Variants in TRPT1 observed in about 807,000 individuals in gnomAD.
TRPT1 encodes tRNA phosphotransferase 1, also known as tRNA 2'-phosphotransferase 1.
A neutral mutation model predicts 28.4 loss-of-function variants in TRPT1; 22 were observed. That is an observed-to-expected ratio of 0.78 (90% CI 0.55 to 1.11). TRPT1 has a LOEUF of 1.11. TRPT1 is among the 50% of genes least tolerant of loss of function. TRPT1 has a pLI of 0.00. For missense variants in TRPT1, 308 were observed against 317.7 expected, an observed-to-expected ratio of 0.97 and a Z score of 0.23; for synonymous variants, 137 against 132.4, an observed-to-expected ratio of 1.03 and a Z score of -0.24.
In TRPT1 at chr11:64,224,946, A is replaced by G. The variant is rs1946888298; in HGVS notation, c.182T>C (p.Leu61Pro). The G allele has an allele frequency of 6.4e-7, 1 of 1,566,656 alleles. No homozygotes were observed. The highest frequency in any genetic ancestry group is 8.7e-7 in the Non-Finnish European group (1 of 1,155,956). Residue 61 changes from leucine (L) to proline (P), a missense_variant, in exon 4 of 8, where the codon CTC (leucine) becomes CCC (proline). Coordinates refer to ENST00000317459, the MANE Select transcript of TRPT1 (RefSeq NM_001033678.4). ...GCCGCGGAACTGGGGCAACTGCAGG[A>G]GGGTGCCCAGGGGCACGAAGCCATC... Reference protein sequence around the residue: ...GADGFVPLGTLLQLPQFRGFS... With the variant: ...GADGFVPLGTPLQLPQFRGFS...
At chr11:64,224,011 A>C in intron 7 of TRPT1, 44 bp from the exon 8 acceptor site, 1 of 1,594,066 alleles carries the variant, frequency 6.3e-7, no homozygotes, top group Non-Finnish European at 8.6e-7. Flanking sequence ...CACCTAAGTC[A>C]GTCTAGGGTT....
rs1266678447 is a variant in TRPT1, at chr11:64,224,332, G to A, written c.512C>T (p.Ser171Phe). Residue 171 changes from serine to phenylalanine, a missense_variant, in exon 6 of 8, where the codon TCC becomes TTC. Transcript: ENST00000317459. ...GDPGIISGMR[S>F]HCEIAVFIDG... is the part of the protein sequence containing the mutation. Reference sequence around the variant, plus strand: ...GATGAACACAGCTATTTCACAATGGGACCGCATGCCTGCAGAGACAGCTGG... The same window carrying A: ...GATGAACACAGCTATTTCACAATGGAACCGCATGCCTGCAGAGACAGCTGG... 4 of 1,613,614 alleles carry A rather than the reference G, an allele frequency of 2.5e-6. No homozygotes were observed. The African/African-American group carries it at 5.3e-5, about 22-fold the overall frequency.
At chr11:64,226,241 A>G, upstream of TRPT1, 1 of 430,570 alleles carries the variant, frequency 2.3e-6, no homozygotes, top group Non-Finnish European at 3.7e-6. Flanking sequence ...CCGCGTGGAA[A>G]GGGGGCGGGC....
In TRPT1 at chr11:64,224,890, C is replaced by G; in HGVS notation, c.238G>C (p.Asp80His). The change falls in exon 4 of 8, where the codon GAC (aspartate) becomes CAC (histidine). Residue 80 changes from aspartate to histidine, a missense_variant. Coordinates refer to ENST00000317459, the MANE Select transcript of TRPT1 (RefSeq NM_001033678.4). ...FSAEDVQRVV[D>H]TNRKQRFALQ... is the part of the protein sequence containing the mutation. ...GCGAACCGCTGCTTCCTATTGGTGT[C>G]CACCACGCGCTGCACATCTTCAGCA... 1 of 1,608,686 alleles carries G rather than the reference C, an allele frequency of 6.2e-7. No homozygotes were observed. The highest frequency in any genetic ancestry group is 8.5e-7 in the Non-Finnish European group (1 of 1,178,004).
intron 3 of TRPT1, chr11:64,225,201 G>T (rs954707487): frequency 1.6e-6 from 1 of 615,532 alleles, no homozygotes; most frequent in Admixed American, 3.0e-5. Context: ...GCGCTGGCCC[G>T]GAGTGCACAC....
chr11:64,224,208 C>T lies in TRPT1; in HGVS notation c.562G>A (p.Gly188Arg), dbSNP rs1428818363. The T allele has an allele frequency of 1.2e-6, 2 of 1,612,058 alleles. No homozygotes were observed. Among genetic ancestry groups the T allele is most frequent in the Non-Finnish European group, 1.7e-6 (2 of 1,178,686 alleles). The change falls in exon 7 of 8, where the codon GGA becomes AGA. Residue 188 changes from glycine to arginine, a missense_variant and splice_region_variant. By Grantham distance (125) the Gly-to-Arg change is moderately radical. Coordinates refer to ENST00000317459, the MANE Select transcript of TRPT1 (RefSeq NM_001033678.4). ...TTGGCAGAGCGGAAGAAGGGTATTC[C>T]ATCTGCTGACAGAGCCAGAGATGTG... Reference protein sequence around the residue: ...FIDGPLALADGIPFFRSANGV... With the variant: ...FIDGPLALADRIPFFRSANGV...
At chr11:64,224,074 A>G in intron 7 of TRPT1, 26 bp downstream of exon 7, 6 of 1,600,046 alleles carry the variant, frequency 3.7e-6, no homozygotes, top group Non-Finnish European at 5.1e-6. Flanking sequence ...GGAACAAGGA[A>G]TAGGGGCTGG....
intron 5 of TRPT1, 25 bp from the exon 6 acceptor site, chr11:64,224,366 C>T: frequency 1.2e-6 from 2 of 1,613,168 alleles, no homozygotes; most frequent in African/African-American, 1.3e-5. Context: ...GGAGCTGAGG[C>T]CTGGGCACCT....
Position 64,224,186 on chromosome 11 carries a change from G to C in TRPT1, c.584C>G (p.Ala195Gly). The C allele has an allele frequency of 6.2e-7, 1 of 1,609,444 alleles. No individual in the cohort carries two copies. The highest frequency in any genetic ancestry group is 8.5e-7 in the Non-Finnish European group (1 of 1,176,806). Reference protein sequence around the residue: ...LADGIPFFRSANGVILTPGNT... With the variant: ...LADGIPFFRSGNGVILTPGNT... ...CCCTGGAGTCAGAATCACCCCATTG[G>C]CAGAGCGGAAGAAGGGTATTCCATC... Residue 195 changes from alanine to glycine, a missense_variant, in exon 7 of 8, where the codon GCC becomes GGC. Ala to Gly is a moderately conservative substitution (Grantham distance 60). Coordinates refer to ENST00000317459, the MANE Select transcript of TRPT1 (RefSeq NM_001033678.4).
intron 3 of TRPT1, 113 bp downstream of exon 3, chr11:64,225,386 G>A: frequency 1.2e-6 from 1 of 829,998 alleles, no homozygotes; most frequent in South Asian, 1.7e-5. Context: ...TGGGGAGGAA[G>A]TGCACTCTGT....
chr11:64,225,198 C>T (rs1946913072), intron 3 of TRPT1: 3 of 618,568 alleles, frequency 4.8e-6, no homozygotes, highest in Non-Finnish European at 8.4e-6. Flanking sequence ...ATAGCGCTGG[C>T]CCGGAGTGCA....
At chr11:64,225,653 AC>A in intron 2 of TRPT1, 73 bp from the exon 3 acceptor site, 1 of 1,478,940 alleles carries the variant, frequency 6.8e-7, no homozygotes, top group Non-Finnish European at 9.3e-7. Context: ...ACCCTCAATG[AC>A]CCACTGCAGA....
Position 64,225,785 on chromosome 11 carries a change from C to G in TRPT1, c.75+1G>C, listed in dbSNP as rs1471840343. On this transcript the variant is annotated splice_donor_variant, in intron 2 of 7. Coordinates refer to ENST00000317459, the MANE Select transcript of TRPT1 (RefSeq NM_001033678.4). LOFTEE classifies it high-confidence loss of function. Reference sequence around the variant, plus strand: ...GGAGGGGGTGGGGAGGAGGCGCGCACCTGTTCTCGGGGTCTGGGAGCCCTT... The same window carrying G: ...GGAGGGGGTGGGGAGGAGGCGCGCAGCTGTTCTCGGGGTCTGGGAGCCCTT... 1 of 1,550,014 alleles carries G rather than the reference C, an allele frequency of 6.5e-7. No individual in the cohort carries two copies. Among genetic ancestry groups the G allele is most frequent in the Non-Finnish European group, 8.7e-7 (1 of 1,146,426 alleles).
At chr11:64,225,621 C>T in intron 2 of TRPT1, 41 bp from the exon 3 acceptor site, 1 of 1,571,236 alleles carries the variant, frequency 6.4e-7, no homozygotes. Context: ...CCATGGTGAC[C>T]CTGCCCTACT....
chr11:64,225,601 C>T (rs1367002383), intron 2 of TRPT1, 21 bp from the exon 3 acceptor site: 1 of 1,598,730 alleles, frequency 6.3e-7, no homozygotes. Context: ...CCAGCGGTGG[C>T]CCCTAGTCTC....
chr11:64,223,905 A>T lies in TRPT1; in HGVS notation c.733T>A (p.Ser245Thr). 1 of 1,612,312 alleles carries T rather than the reference A, an allele frequency of 6.2e-7. No individual in the cohort carries two copies. Among genetic ancestry groups the T allele is most frequent in the Non-Finnish European group, 8.5e-7 (1 of 1,179,046 alleles). The change falls in exon 8 of 8, where the codon TCC becomes ACC. Residue 245 changes from serine to threonine, a missense_variant. Transcript: ENST00000317459. The part of the protein sequence containing the change: ...TECQSSPKHS[S>T]RERRRIQQ ...TGTTGGATCCTCCTCCTTTCTCTGG[A>T]GCTGTGCTTGGGGCTACTCTGACAC...
intron 2 of TRPT1, 59 bp downstream of exon 2, chr11:64,225,727 C>T (rs890563658): frequency 3.5e-6 from 5 of 1,428,072 alleles, no homozygotes; most frequent in Admixed American, 2.1e-5. Context: ...TCAGCTCCGC[C>T]CCCCAGCAAC....
rs1946991894 is a variant in TRPT1 at position 64,225,977 on chromosome 11, C to A, written c.-10+73G>T. The A allele has an allele frequency of 5.9e-6, 4 of 678,488 alleles. No individual in the cohort carries two copies. The African/African-American group carries it at 7.2e-5, about 12-fold the overall frequency. The allele number at this position is 678,488 out of a possible 1,614,324, so 42.0% of individuals were successfully genotyped here. Reference sequence around the variant, plus strand: ...GAAGTGAGCGCTGGGTGGGAGTATACGGCTCATTAAGTTCACCACCCCCAA... The same window carrying A: ...GAAGTGAGCGCTGGGTGGGAGTATAAGGCTCATTAAGTTCACCACCCCCAA... On this transcript the variant is annotated intron_variant, in intron 1 of 7. Coordinates refer to ENST00000317459, the MANE Select transcript of TRPT1 (RefSeq NM_001033678.4).
rs1202303547 is a variant in TRPT1, at chr11:64,225,778, G to T, written c.75+8C>A. 6.5e-7 allele frequency: 1 copy of T among 1,546,312 alleles called. No individual in the cohort carries two copies. The highest frequency in any genetic ancestry group is 2.4e-5 in the East Asian group (1 of 41,382). On this transcript the variant is annotated splice_region_variant and intron_variant, in intron 2 of 7. Coordinates refer to ENST00000317459, the MANE Select transcript of TRPT1 (RefSeq NM_001033678.4). The stretch of plus-strand genomic sequence containing the variant: ...ACTGGTGGGAGGGGGTGGGGAGGAG[G>T]CGCGCACCTGTTCTCGGGGTCTGGG...
Sources: gnomAD v4.1 joint callset for allele counts on GRCh38, gnomAD v4.1.1 for gene constraint, MANE v1.5 for transcripts, NCBI Gene and HGNC (gene_info 2026-07-23, HGNC 2026-07-21) for gene names.